The following CPLANE1 variants were observed in gnomAD, a reference collection of about 807,000 sequenced individuals.
CPLANE1 encodes the protein ciliogenesis and planar polarity effector 1.
In CPLANE1, 263 loss-of-function variants were observed where a neutral mutation model predicts 362.5. The observed-to-expected ratio is 0.73, with a 90% confidence interval of 0.66 to 0.80. CPLANE1 has a LOEUF of 0.80. CPLANE1 is among the 30% of genes least tolerant of loss of function. The pLI is 0.00. For synonymous variants in CPLANE1, 1,212 were observed against 1,302.6 expected (o/e 0.93, Z 1.50); for missense variants, 3,461 against 3,793.4 (o/e 0.91, Z 2.30).
In CPLANE1 at chr5:37,230,425, T is replaced by G. The variant is rs946086122; in HGVS notation, c.1121+442A>C. ...ATATTGTATATCAATAAAAAAAATT[T>G]TAAAACAACAACAAAAATTAAAATA... On this transcript the variant is annotated intron_variant, in intron 9 of 52. Transcript: ENST00000651892. 2.0e-5 allele frequency among the ~76,000 whole-genome samples: 3 copies of G among 151,958 alleles called. No homozygotes were observed. The South Asian group carries it at 6.2e-4, about 31-fold the overall frequency.
chr5:37,204,259 A>T (rs557835566), intron 18 of CPLANE1, among the ~76,000 whole-genome samples: 1 of 152,238 alleles, frequency 6.6e-6, no homozygotes, highest in Non-Finnish European at 1.5e-5. Context: ...CAGAAATGTT[A>T]TAAGTTTTAG....
intron 16 of CPLANE1, chr5:37,211,151 G>A: frequency 8.1e-7 from 1 of 1,239,670 alleles, no homozygotes; most frequent in Non-Finnish European, 1.2e-6. Flanking sequence ...CTTTTAAACA[G>A]GAAAAAGTTC....
At chr5:37,094,391 A>C in the CPLANE1 span, among the ~76,000 whole-genome samples, 1 of 152,226 alleles carries the variant, frequency 6.6e-6, no homozygotes, top group Non-Finnish European at 1.5e-5. Flanking sequence ...ACTGAATGAC[A>C]ATAGTGACAA....
In CPLANE1 at chr5:37,148,235, C is replaced by A; in HGVS notation, c.8407G>T (p.Gly2803Cys). The A allele has an allele frequency of 6.2e-7, 1 of 1,611,796 alleles. No individual in the cohort carries two copies. The highest frequency in any genetic ancestry group is 8.5e-7 in the Non-Finnish European group (1 of 1,178,866). ...GCTAATGTTTTTTTGAATTCAGGGC[C>A]AGAAGAGAATTCAATGTGATCCACT... ...GPVDHIEFSS[G>C]PEFKKTLASK... The change falls in exon 43 of 53, where the codon GGC (glycine) becomes TGC (cysteine). Residue 2803 changes from glycine (G) to cysteine (C), a missense_variant. By Grantham distance (159) the Gly-to-Cys change is radical (BLOSUM62 -3). This residue lies in a region of CPLANE1 where 3,380 missense variants were observed against 3,666.1 expected (regional missense o/e 0.92). Coordinates refer to ENST00000651892, the MANE Select transcript of CPLANE1 (RefSeq NM_001384732.1).
intron 16 of CPLANE1, among the ~76,000 whole-genome samples, chr5:37,207,255 C>G (rs904630672): frequency 6.6e-6 from 1 of 152,146 alleles, no homozygotes; most frequent in Admixed American, 6.5e-5. Context: ...CTTCTCTGTT[C>G]CTCGAAATGG....
At chr5:37,239,515 C>T (rs528039970) in intron 7 of CPLANE1, among the ~76,000 whole-genome samples, 198 bp downstream of exon 7, 1 of 138,792 alleles carries the variant, frequency 7.2e-6, no homozygotes, top group South Asian at 2.3e-4. Flanking sequence ...CCCAGGAGGT[C>T]GAGGCTGCAG....
Position 37,243,078 on chromosome 5 carries a change from AG to A in CPLANE1, c.611del (p.Ser204LeufsTer5). The A allele has an allele frequency of 6.5e-7, 1 of 1,548,280 alleles. No individual in the cohort carries two copies. ...GAAATGTTAACTTCAGGCATTCCCCAGAATAAAAAGTAAATGAACACAGGCA... is the reference window on the plus strand; with the variant it reads ...GAAATGTTAACTTCAGGCATTCCCCAAATAAAAAGTAAATGAACACAGGCA... The part of the protein sequence containing the change: ...DCCLCSFTFY[S>X]GECLKLTFLA... On this transcript the variant is annotated frameshift_variant, in exon 6 of 53. Transcript: ENST00000651892.
At chr5:37,214,251 G>C (rs987143870) in intron 15 of CPLANE1, among the ~76,000 whole-genome samples, 2 of 152,210 alleles carry the variant, frequency 1.3e-5, no homozygotes, top group Non-Finnish European at 2.9e-5. Context: ...GATCTCTTGA[G>C]CTCAGGAGTT....
In CPLANE1 at chr5:37,226,420, C is replaced by A; in HGVS notation, c.2175G>T (p.Leu725Phe). 2 of 1,551,138 alleles carry A rather than the reference C, an allele frequency of 1.3e-6. No individual in the cohort carries two copies. Among genetic ancestry groups the A allele is most frequent in the Non-Finnish European group, 1.7e-6 (2 of 1,146,768 alleles). The change falls in exon 12 of 53, where the codon TTG becomes TTT. Residue 725 changes from leucine to phenylalanine, a missense_variant. Transcript: ENST00000651892. Reference sequence around the variant, plus strand: ...GAAACATCTGAAAAATAGGTACCACCAATGAGTCTTGAGCTGTTATTTTAC... The same window carrying A: ...GAAACATCTGAAAAATAGGTACCACAAATGAGTCTTGAGCTGTTATTTTAC... The part of the protein sequence containing the change: ...DGSKITAQDS[L>F]VVPIFQMFQD...
chr5:37,097,942 CATAAT>C, the CPLANE1 span, among the ~76,000 whole-genome samples: 1 of 152,092 alleles, frequency 6.6e-6, no homozygotes, highest in East Asian at 1.9e-4. Context: ...CAATGAAAAT[CATAAT>C]ATAATGACAA....
the CPLANE1 span, among the ~76,000 whole-genome samples, chr5:37,083,947 G>A: frequency 7.2e-5 from 11 of 152,138 alleles, no homozygotes; most frequent in South Asian, 2.1e-4. Flanking sequence ...GAAATTCATC[G>A]CAAAAAGATC....
At chr5:37,225,439 C>T (rs1009371532) in intron 12 of CPLANE1, among the ~76,000 whole-genome samples, 4 of 151,990 alleles carry the variant, frequency 2.6e-5, no homozygotes, top group African/African-American at 7.2e-5. Flanking sequence ...GGAGTTTCAT[C>T]GTGTTGCCCA....
chr5:37,217,327 CG>C (rs1158764936), intron 15 of CPLANE1, among the ~76,000 whole-genome samples: 1 of 152,046 alleles, frequency 6.6e-6, no homozygotes, highest in Admixed American at 6.5e-5. Context: ...AAATCTCGAC[CG>C]GGTGCAGTGG....
intron 8 of CPLANE1, among the ~76,000 whole-genome samples, chr5:37,234,504 G>GAAA (rs559018471): frequency 8.4e-6 from 1 of 119,346 alleles, no homozygotes; most frequent in Non-Finnish European, 1.8e-5. Flanking sequence ...ACAAAAATAA[G>GAAA]AAAAAAAAAA....
the CPLANE1 span, among the ~76,000 whole-genome samples, chr5:37,100,991 C>T: frequency 1.1e-3 from 170 of 152,322 alleles, no homozygotes; most frequent in African/African-American, 4.0e-3. Context: ...AGTTGCTTAT[C>T]AGCTTAAGAA....
chr5:37,138,661 G>C (rs1004765762), intron 46 of CPLANE1, 59 bp downstream of exon 46: 15 of 1,525,128 alleles, frequency 9.8e-6, no homozygotes, highest in Middle Eastern at 1.7e-4. Context: ...GACAAATTTT[G>C]AACATTCTTG....
At position 37,176,004 on chromosome 5, in the gene CPLANE1, CA is replaced by C. The variant is rs1440353417; in HGVS notation, c.5901-19del. 1 of 1,548,864 alleles carries C rather than the reference CA, an allele frequency of 6.5e-7. No individual in the cohort carries two copies. ...CGATCATACTATCAATAAAAATTAA[CA>C]GGTGATTAGTAAGCAAGATATTCTT... On this transcript the variant is annotated intron_variant, in intron 30 of 52. Coordinates refer to ENST00000651892, the MANE Select transcript of CPLANE1 (RefSeq NM_001384732.1).
intron 17 of CPLANE1, 132 bp from the exon 18 acceptor site, chr5:37,205,586 AAAG>A: frequency 1.6e-6 from 1 of 614,160 alleles, no homozygotes; most frequent in Non-Finnish European, 2.8e-6. Context: ...TACATGTAAA[AAAG>A]ATATATTCAA....
Position 37,245,526 on chromosome 5 carries a change from G to A in CPLANE1, c.290C>T (p.Thr97Ile). 6.6e-7 allele frequency: 1 copy of A among 1,506,438 alleles called. No homozygotes were observed. Among genetic ancestry groups the A allele is most frequent in the Admixed American group, 2.2e-5 (1 of 45,928 alleles). 93.3% of individuals were successfully genotyped at this position (1,506,438 alleles called of 1,614,324 possible). The change falls in exon 4 of 53, where the codon ACT (threonine) becomes ATT (isoleucine). Residue 97 changes from threonine (T) to isoleucine (I), a missense_variant. This residue lies in a region of CPLANE1 where 3,380 missense variants were observed against 3,666.1 expected (regional missense o/e 0.92). Coordinates refer to ENST00000651892, the MANE Select transcript of CPLANE1 (RefSeq NM_001384732.1). ...LWNKDQDCLK[T>I]IPITEKPKEM... is the part of the protein sequence containing the mutation. ...CTTAGGCTTTTCAGTTATTGGTATA[G>A]TTTTCAAACAATCTTGATCTTTGTT... is the stretch of plus-strand genomic sequence containing the variant.
Sources: allele counts gnomAD v4.1 joint callset (sites outside exome capture counted in the v4.1 genomes callset), GRCh38; gene constraint gnomAD v4.1.1; regional missense constraint gnomAD v4.1.1; transcripts MANE v1.5; gene names NCBI Gene and HGNC (gene_info 2026-07-23, HGNC 2026-07-21).